The following CYFIP2 variants were observed in gnomAD, a reference collection of about 807,000 sequenced individuals.
CYFIP2 encodes the protein cytoplasmic FMR1 interacting protein 2.
In CYFIP2, 29 loss-of-function variants were observed where a neutral mutation model predicts 158.7. That is an observed-to-expected ratio of 0.18 (90% confidence interval 0.14 to 0.25). CYFIP2 has a LOEUF of 0.25. CYFIP2 is among the 10% of genes least tolerant of loss of function. The pLI is 1.00. For synonymous variants in CYFIP2, 585 were observed against 617.6 expected (o/e 0.95, Z 0.78); for missense variants, 852 against 1,639.5 (o/e 0.52, Z 8.29).
intron 30 of CYFIP2, 75 bp downstream of exon 30, chr5:157,390,743 A>G (rs1767200784): frequency 1.9e-6 from 3 of 1,544,620 alleles, no homozygotes; most frequent in Non-Finnish European, 2.6e-6. Flanking sequence ...AAAGCAAACA[A>G]GGAGGAGCTG....
intron 3 of CYFIP2, among the ~76,000 whole-genome samples, chr5:157,289,448 A>G (rs7706527): frequency 0.013 from 1,906 of 152,290 alleles, 40 homozygotes; most frequent in African/African-American, 0.043. Flanking sequence ...GCAAAAATGT[A>G]TTTCCTCCCC....
chr5:157,294,872 CTTG>C lies in CYFIP2; in HGVS notation c.285+17_285+19del, dbSNP rs957728113. Reference sequence around the variant, plus strand: ...GGGCCATTCCCCAGGTGAGACTGTCCTTGTTGTGTGTCTCTTTCCCCTCCAGAG... The same window carrying C: ...GGGCCATTCCCCAGGTGAGACTGTCCTTGTGTGTCTCTTTCCCCTCCAGAG... On this transcript the variant is annotated intron_variant, in intron 4 of 30. Transcript: ENST00000620254. The C allele has an allele frequency of 5.0e-6, 8 of 1,609,798 alleles. No homozygotes were observed. In the African/African-American group the frequency reaches 9.4e-5, roughly 19 times the overall value.
At chr5:157,347,861 G>T (rs896728971) in intron 23 of CYFIP2, among the ~76,000 whole-genome samples, 7 of 152,232 alleles carry the variant, frequency 4.6e-5, no homozygotes, top group Non-Finnish European at 8.8e-5. Context: ...GAGTGGCAGA[G>T]CTGCCAGTGA....
chr5:157,343,544 C>A (rs780284473), intron 23 of CYFIP2: 1 of 1,541,820 alleles, frequency 6.5e-7, no homozygotes, highest in Middle Eastern at 1.8e-4. Context: ...CATCCCGATT[C>A]TGGAACCAGA....
rs2113128660 is a variant in CYFIP2 at position 157,323,913 on chromosome 5, T to A, written c.1672-8T>A. ...TTCTGACCTTCTCATCTTGCTTTCT[T>A]TTTCAAGCTGTACATGGTGCGGACC... On this transcript the variant is annotated splice_polypyrimidine_tract_variant and splice_region_variant and intron_variant, in intron 15 of 30. Transcript: ENST00000620254. 1 of 1,552,716 alleles carries A rather than the reference T, an allele frequency of 6.4e-7. No individual in the cohort carries two copies. Among genetic ancestry groups the A allele is most frequent in the South Asian group, 1.2e-5 (1 of 84,914 alleles).
intron 23 of CYFIP2, among the ~76,000 whole-genome samples, chr5:157,350,910 C>A (rs1485484604): frequency 1.3e-5 from 2 of 152,100 alleles, no homozygotes; most frequent in Middle Eastern, 3.2e-3. Context: ...GGGTTGAGTT[C>A]TTGATTTGAT....
At chr5:157,330,888 C>A in intron 20 of CYFIP2, 38 bp downstream of exon 20, 1 of 1,475,112 alleles carries the variant, frequency 6.8e-7, no homozygotes, top group Non-Finnish European at 9.5e-7. Flanking sequence ...ATGGAAGGGG[C>A]AGGAGAGAGC....
intron 3 of CYFIP2, among the ~76,000 whole-genome samples, chr5:157,291,346 C>T (rs1158291351): frequency 6.6e-6 from 1 of 152,242 alleles, no homozygotes. Context: ...CCCAAGACCC[C>T]ACCCAGGGCT....
chr5:157,304,222 T>C lies in CYFIP2; in HGVS notation c.667-16T>C, dbSNP rs1263605516. 3 of 1,608,970 alleles carry C rather than the reference T, an allele frequency of 1.9e-6. No homozygotes were observed. Among genetic ancestry groups the C allele is most frequent in the Admixed American group, 1.7e-5 (1 of 59,344 alleles). ...ATACATGCGCTGCCTAACCTGAGGG[T>C]GGCGCTGCTGTTCAGTGTCTCCACC... On this transcript the variant is annotated splice_polypyrimidine_tract_variant and intron_variant, in intron 7 of 30. Transcript: ENST00000620254.
chr5:157,319,097 G>T (rs1269925120), intron 13 of CYFIP2, among the ~76,000 whole-genome samples: 1 of 152,062 alleles, frequency 6.6e-6, no homozygotes, highest in Non-Finnish European at 1.5e-5. Flanking sequence ...CCACATACTT[G>T]CAGGCAGGCA....
chr5:157,377,909 C>A (rs1765646991), intron 26 of CYFIP2, among the ~76,000 whole-genome samples: 1 of 152,238 alleles, frequency 6.6e-6, no homozygotes, highest in Non-Finnish European at 1.5e-5. Flanking sequence ...ATCAGCAGCT[C>A]AGATTTCAGG....
At position 157,361,468 on chromosome 5, in the gene CYFIP2, G is replaced by C. The variant is rs1315592512; in HGVS notation, c.2909G>C (p.Gly970Ala). The change falls in exon 26 of 31, where the codon GGG (glycine) becomes GCG (alanine). Residue 970 changes from glycine to alanine, a missense_variant and splice_region_variant. Physicochemically the swap from Gly to Ala is moderately conservative, Grantham distance 60. Coordinates refer to ENST00000620254, the MANE Select transcript of CYFIP2 (RefSeq NM_001037333.3). The surrounding 1 kb of genome is among the most constrained non-coding windows in gnomAD (Gnocchi z 4.4). ...CTGACCACCCCGATTCACCTCCCAG[G>C]GATCCTGGAGTTCTTCCACCACCAG... ...RLPRHEYGSP[G>A]ILEFFHHQLK... The C allele has an allele frequency of 6.2e-7, 1 of 1,613,790 alleles. No homozygotes were observed. Among genetic ancestry groups the C allele is most frequent in the Non-Finnish European group, 8.5e-7 (1 of 1,179,956 alleles).
chr5:157,342,574 A>G, intron 23 of CYFIP2: 1 of 327,304 alleles, frequency 3.1e-6, no homozygotes, highest in South Asian at 9.9e-5. Context: ...TCTACTTTAT[A>G]ACATATCCAT....
At chr5:157,289,072 G>A (rs779957501) in intron 3 of CYFIP2, among the ~76,000 whole-genome samples, 1 of 152,178 alleles carries the variant, frequency 6.6e-6, no homozygotes, top group Non-Finnish European at 1.5e-5. Flanking sequence ...TTTTAGGGAT[G>A]AGAAAACTGA....
Position 157,358,964 on chromosome 5 carries a change from C to G in CYFIP2, c.2674-41C>G, listed in dbSNP as rs1328401491. The G allele has an allele frequency of 4.3e-6, 7 of 1,612,912 alleles. No individual in the cohort carries two copies. The East Asian group carries it at 1.3e-4, about 31-fold the overall frequency. On this transcript the variant is annotated intron_variant, in intron 23 of 30. Transcript: ENST00000620254. ...TGCCAGGACTCCACCAGTGTCCATT[C>G]AGTACTCAGGCACTTATTTGCCACT... is the stretch of plus-strand genomic sequence containing the variant.
intron 23 of CYFIP2, among the ~76,000 whole-genome samples, chr5:157,347,359 A>G (rs1465487817): frequency 6.6e-6 from 1 of 151,598 alleles, no homozygotes; most frequent in Non-Finnish European, 1.5e-5. Context: ...CCCTTGGCCA[A>G]AGGTCTCCGG....
chr5:157,304,297 C>A lies in CYFIP2; in HGVS notation c.726C>A (p.Val242=), dbSNP rs764085875. 6.2e-7 allele frequency: 1 copy of A among 1,613,940 alleles called. No homozygotes were observed. The highest frequency in any genetic ancestry group is 8.5e-7 in the Non-Finnish European group (1 of 1,179,896). The change falls in exon 8 of 31, where the codon GTC becomes GTA. Residue 242 remains valine (V), a synonymous_variant. Transcript: ENST00000620254. The part of the protein sequence containing the change: ...PGYEELLADI[V]NICVDYYENK... ...ATGAGGAGCTGCTGGCTGACATTGT[C>A]AACATCTGTGTGGATTACTACGAGA...
intron 28 of CYFIP2, among the ~76,000 whole-genome samples, chr5:157,387,418 C>G (rs1029831612): frequency 4.6e-5 from 7 of 152,146 alleles, no homozygotes; most frequent in Non-Finnish European, 1.0e-4. Context: ...TTTTTCTATT[C>G]CCCCTTCCAG....
intron 27 of CYFIP2, 107 bp from the exon 28 acceptor site, chr5:157,383,158 C>T (rs1054347721): frequency 5.4e-6 from 5 of 927,066 alleles, no homozygotes; most frequent in Non-Finnish European, 8.6e-6. Flanking sequence ...ACACTCCATC[C>T]CATTTTTGGA....
Sources: allele counts gnomAD v4.1 joint callset (sites outside exome capture counted in the v4.1 genomes callset), GRCh38; gene constraint gnomAD v4.1.1; non-coding constraint Gnocchi (gnomAD v3.1); transcripts MANE v1.5; gene names NCBI Gene and HGNC (gene_info 2026-07-23, HGNC 2026-07-21).